Variants in SLC25A47 observed in about 807,000 individuals in gnomAD.
The protein encoded by SLC25A47 is HCC-down-regulated mitochondrial carrier protein.
A neutral mutation model predicts 29.8 loss-of-function variants in SLC25A47; 30 were observed. The observed-to-expected ratio is 1.01, with a 90% confidence interval of 0.75 to 1.36. The LOEUF (loss-of-function observed/expected upper bound fraction) is 1.36, where lower values mean the gene tolerates loss of function less well. Ranked by LOEUF, SLC25A47 falls within the 40% of genes most tolerant of loss-of-function variation. The pLI, the probability that SLC25A47 is intolerant of heterozygous loss-of-function variation, is 0.00. For synonymous variants in SLC25A47, 204 were observed against 197.8 expected (o/e 1.03, Z -0.26); for missense variants, 430 against 441.9 (o/e 0.97, Z 0.24).
In SLC25A47 at chr14:100,326,239, G is replaced by C; in HGVS notation, c.144+11G>C. The C allele has an allele frequency of 6.2e-7, 1 of 1,613,090 alleles. No individual in the cohort carries two copies. Among genetic ancestry groups the C allele is most frequent in the Non-Finnish European group, 8.5e-7 (1 of 1,179,632 alleles). ...TATCACCGAGAGCGCGTAGGTCTGG[G>C]GCCAGGGGCTGGGTAGGGAGACAGG... is the stretch of plus-strand genomic sequence containing the variant. On this transcript the variant is annotated intron_variant, in intron 3 of 5. Coordinates refer to ENST00000361529, the MANE Select transcript of SLC25A47 (RefSeq NM_207117.4).
rs529035467 is a variant in SLC25A47 at position 100,328,347 on chromosome 14, G to A, written c.328-379G>A. Among the ~76,000 whole-genome samples, 5 of 152,324 alleles carry A rather than the reference G, an allele frequency of 3.3e-5. No homozygotes were observed. The South Asian group carries it at 1.0e-3, about 32-fold the overall frequency. On this transcript the variant is annotated intron_variant, in intron 4 of 5. Coordinates refer to ENST00000361529, the MANE Select transcript of SLC25A47 (RefSeq NM_207117.4). ...AGGCTGGTCTCAAACTCCTGATCTC[G>A]TGATCCGCCTGCCTTGACCTCCCAA...
intron 4 of SLC25A47, 77 bp from the exon 5 acceptor site, chr14:100,328,649 T>TGAGGCTGGTGGGAGGCCAGGTC: frequency 6.2e-6 from 9 of 1,452,758 alleles, no homozygotes; most frequent in Non-Finnish European, 8.7e-6. Context: ...GTGAGCAACA[T>TGAGGCTGGTGGGAGGCCAGGTC]GAGGCTGGTG....
intron 4 of SLC25A47, among the ~76,000 whole-genome samples, chr14:100,328,343 T>G (rs1012273666): frequency 3.9e-5 from 6 of 152,130 alleles, no homozygotes; most frequent in Non-Finnish European, 7.4e-5. Flanking sequence ...AAACTCCTGA[T>G]CTCGTGATCC....
In SLC25A47 at chr14:100,329,745, G is replaced by A; in HGVS notation, c.*100G>A. On this transcript the variant is annotated 3_prime_UTR_variant, in exon 6 of 6. Transcript: ENST00000361529. ...TGTGGCTGGGTTCGGGACCCCACAG[G>A]GCCATTGCCCAGGAGAATGAGGAGC... The A allele has an allele frequency of 1.4e-6, 2 of 1,446,600 alleles. No individual in the cohort carries two copies. Among genetic ancestry groups the A allele is most frequent in the Non-Finnish European group, 9.3e-7 (1 of 1,075,674 alleles). The allele number at this position is 1,446,600 out of a possible 1,614,324, so 89.6% of individuals were successfully genotyped here. A position where few individuals can be genotyped will look rare whatever the true frequency, so the allele number is the denominator to read the frequency against.
chr14:100,329,175 C>T (rs928921623), intron 5 of SLC25A47, 131 bp downstream of exon 5: 10 of 1,222,458 alleles, frequency 8.2e-6, no homozygotes, highest in African/African-American at 1.5e-5. Flanking sequence ...GTGGGCTCCT[C>T]AGTTCTCCCA....
chr14:100,330,317 C>T lies in SLC25A47; in HGVS notation c.*672C>T, dbSNP rs1893429264. ...CTGCCTGTGGACGCTGCACCTGCCA[C>T]TTAAAGACCCCAAAGACTCTGTTGG... On this transcript the variant is annotated 3_prime_UTR_variant, in exon 6 of 6. Coordinates refer to ENST00000361529, the MANE Select transcript of SLC25A47 (RefSeq NM_207117.4). 6.5e-6 allele frequency: 1 copy of T among 153,338 alleles called. No homozygotes were observed. Among genetic ancestry groups the T allele is most frequent in the South Asian group, 2.0e-4 (1 of 4,900 alleles). The allele number at this position is 153,338 out of a possible 1,614,324, so 9.5% of individuals were successfully genotyped here.
At position 100,329,010 on chromosome 14, in the gene SLC25A47, C is replaced by G; in HGVS notation, c.612C>G (p.Cys204Trp). 9 of 1,599,990 alleles carry G rather than the reference C, an allele frequency of 5.6e-6. No homozygotes were observed. Among genetic ancestry groups the G allele is most frequent in the Non-Finnish European group, 7.6e-6 (9 of 1,179,774 alleles). Residue 204 changes from cysteine (C) to tryptophan (W), a missense_variant, in exon 5 of 6, where the codon TGC becomes TGG. By Grantham distance (215) the Cys-to-Trp change is radical. Transcript: ENST00000361529. The stretch of plus-strand genomic sequence containing the variant: ...ACTTCCTTTCCTACGCGGTCCTCTG[C>G]GAGTGGCTCAGCCCCGCTGGCCACA... ...ATYFLSYAVL[C>W]EWLSPAGHSR...
At chr14:100,323,717 A>G (rs1170406633) in intron 1 of SLC25A47, among the ~76,000 whole-genome samples, 1 of 151,746 alleles carries the variant, frequency 6.6e-6, no homozygotes, top group Admixed American at 6.6e-5. Context: ...GCCGCTCGGG[A>G]GGCAGAGTCA....
Position 100,329,377 on chromosome 14 carries a change from T to TCCC in SLC25A47, c.659_660insCCC (p.Val220_Leu221insPro). On this transcript the variant is annotated inframe_insertion, in exon 6 of 6. Coordinates refer to ENST00000361529, the MANE Select transcript of SLC25A47 (RefSeq NM_207117.4). ...GGTCTCTCTGCAGATGTCCCGGGCG[T>TCCC]GCTGGTGGCCGGGGGCTGTGCAGGA... 1 of 1,604,234 alleles carries TCCC rather than the reference T, an allele frequency of 6.2e-7. No individual in the cohort carries two copies. Among genetic ancestry groups the TCCC allele is most frequent in the Non-Finnish European group, 8.5e-7 (1 of 1,175,284 alleles).
Position 100,328,809 on chromosome 14 carries a change from G to A in SLC25A47, c.411G>A (p.Ser137=), listed in dbSNP as rs1354314873. 6 of 1,612,704 alleles carry A rather than the reference G, an allele frequency of 3.7e-6. No individual in the cohort carries two copies. Among genetic ancestry groups the A allele is most frequent in the Admixed American group, 1.7e-5 (1 of 59,998 alleles). Residue 137 remains serine (S), a synonymous_variant, in exon 5 of 6, where the codon TCG becomes TCA. Transcript: ENST00000361529. The stretch of plus-strand genomic sequence containing the variant: ...CGCAGAAGCAGCAGCGGCGGCTTTC[G>A]GCCTCGGGGCCGTTGGCTGTGCCCC... The part of the protein sequence containing the change: ...TQAQKQQRRL[S]ASGPLAVPPM...
In SLC25A47 at chr14:100,323,351, AC is replaced by A. The variant is rs1234642669; in HGVS notation, c.-61del. 3.9e-5 allele frequency: 62 copies of A among 1,599,372 alleles called. No individual in the cohort carries two copies. The South Asian group carries it at 5.2e-4, about 13-fold the overall frequency. On this transcript the variant is annotated 5_prime_UTR_variant, in exon 1 of 6. Transcript: ENST00000361529. ...GGGCCAGCTGGGAGCTGTTGAGGCC[AC>A]CCTGGTGGCACCAAAGCCCTCTCAG...
At position 100,328,890 on chromosome 14, in the gene SLC25A47, C is replaced by G; in HGVS notation, c.492C>G (p.His164Gln). The change falls in exon 5 of 6, where the codon CAC becomes CAG. Residue 164 changes from histidine to glutamine, a missense_variant. Physicochemically the swap from His to Gln is conservative, Grantham distance 24 (BLOSUM62 0). Transcript: ENST00000361529. ...CPEPKYRGPL[H>Q]CLATVAREEG... ...AGCCCAAGTACCGCGGGCCACTGCACTGCCTGGCCACGGTAGCCCGTGAGG... is the reference window on the plus strand; with the variant it reads ...AGCCCAAGTACCGCGGGCCACTGCAGTGCCTGGCCACGGTAGCCCGTGAGG... 1 of 1,611,648 alleles carries G rather than the reference C, an allele frequency of 6.2e-7. No homozygotes were observed.
intron 1 of SLC25A47, among the ~76,000 whole-genome samples, chr14:100,325,118 G>C (rs1893313095): frequency 6.6e-6 from 1 of 152,190 alleles, no homozygotes; most frequent in African/African-American, 2.4e-5. Flanking sequence ...GGTCCTCCCA[G>C]GGACCACCCT....
At chr14:100,325,954 C>T in intron 2 of SLC25A47, 123 bp downstream of exon 2, 1 of 1,157,812 alleles carries the variant, frequency 8.6e-7, no homozygotes, top group Non-Finnish European at 1.2e-6. Context: ...AATGGCTCCC[C>T]ATAGCCCCTG....
At position 100,329,839 on chromosome 14, in the gene SLC25A47, C is replaced by T; in HGVS notation, c.*194C>T. ...AGCTACTGACCTCAGGTCGAGGGGC[C>T]CGCCAGCCATCAGCCAGGGTTGGCC... On this transcript the variant is annotated 3_prime_UTR_variant, in exon 6 of 6. Coordinates refer to ENST00000361529, the MANE Select transcript of SLC25A47 (RefSeq NM_207117.4). 1.3e-6 allele frequency: 1 copy of T among 764,564 alleles called. No homozygotes were observed. Among genetic ancestry groups the T allele is most frequent in the Non-Finnish European group, 2.0e-6 (1 of 490,860 alleles). 47.4% of individuals were successfully genotyped at this position (764,564 alleles called of 1,614,324 possible).
At chr14:100,329,184 C>A in intron 5 of SLC25A47, 140 bp downstream of exon 5, 1 of 1,211,584 alleles carries the variant, frequency 8.3e-7, no homozygotes, top group Non-Finnish European at 1.1e-6. Flanking sequence ...TCAGTTCTCC[C>A]AACACCAAGA....
chr14:100,326,790 A>G (rs973870162), intron 3 of SLC25A47, among the ~76,000 whole-genome samples: 1 of 152,204 alleles, frequency 6.6e-6, no homozygotes, highest in Non-Finnish European at 1.5e-5. Flanking sequence ...CCTTGCCAAC[A>G]TGGTGAAACC....
chr14:100,325,170 T>A (rs1479062114), intron 1 of SLC25A47, among the ~76,000 whole-genome samples: 1 of 152,154 alleles, frequency 6.6e-6, no homozygotes, highest in Non-Finnish European at 1.5e-5. Flanking sequence ...GGGGCTTGGA[T>A]GTTGAGGCCT....
chr14:100,327,295 C>G lies in SLC25A47; in HGVS notation c.252C>G (p.Leu84=), dbSNP rs187868981. The stretch of plus-strand genomic sequence containing the variant: ...ACTGCCTGGCGCACATCTGCCGGCT[C>G]CGGTACGGCAACCCTGACGCCAAGC... ...YRHCLAHICR[L]RYGNPDAKPT... The change falls in exon 4 of 6, where the codon CTC becomes CTG. Residue 84 remains leucine, a synonymous_variant. Transcript: ENST00000361529. 1.3e-5 allele frequency: 21 copies of G among 1,605,230 alleles called. No homozygotes were observed. The Admixed American group carries it at 3.0e-4, about 23-fold the overall frequency.
Sources: gnomAD v4.1 joint callset for allele counts (sites outside exome capture counted in the v4.1 genomes callset) on GRCh38, gnomAD v4.1.1 for gene constraint, MANE v1.5 for transcripts, NCBI Gene and HGNC (gene_info 2026-07-23, HGNC 2026-07-21) for gene names.